Variants in OR3A2 observed in about 807,000 individuals in gnomAD.
The protein encoded by OR3A2 is olfactory receptor 3A2.
For missense variants in OR3A2, 318 were observed against 392.8 expected (o/e 0.81, Z 1.61); for synonymous variants, 126 against 159.3 (o/e 0.79, Z 1.57).
In OR3A2 at chr17:3,311,533, G is replaced by T; in HGVS notation, c.-85+24500C>A. ...TAATGTGGTCAACCACTTCTACTGT[G>T]ACCTCCCACCTCTTTTCCAGCTCTC... is the stretch of plus-strand genomic sequence containing the variant. On this transcript the variant is annotated intron_variant, in intron 3 of 4. Transcript: ENST00000573491. The surrounding 1 kb of genome is among the most constrained non-coding windows in gnomAD (Gnocchi z 4.6). The T allele has an allele frequency of 7.0e-6, 3 of 430,798 alleles. No homozygotes were observed. The highest frequency in any genetic ancestry group is 1.9e-5 in the South Asian group (1 of 53,768). 26.7% of individuals were successfully genotyped at this position (430,798 alleles called of 1,614,324 possible).
At chr17:3,343,775 C>T (rs1336234655) in intron 2 of OR3A2, among the ~76,000 whole-genome samples, 1 of 152,130 alleles carries the variant, frequency 6.6e-6, no homozygotes, top group Non-Finnish European at 1.5e-5. Context: ...CCATTTTTAA[C>T]AGTAGTCTAG....
intron 3 of OR3A2, among the ~76,000 whole-genome samples, chr17:3,333,173 G>A (rs868212960): frequency 6.6e-5 from 10 of 152,120 alleles, no homozygotes; most frequent in African/African-American, 1.2e-4. Flanking sequence ...ATAAATTGCC[G>A]CTCTGGGAGC....
intron 3 of OR3A2, among the ~76,000 whole-genome samples, chr17:3,306,415 T>G (rs2049000667): frequency 6.6e-6 from 1 of 151,976 alleles, no homozygotes; most frequent in African/African-American, 2.4e-5. Context: ...ACTGTTGGGA[T>G]TAGAGGCACA....
At chr17:3,374,194 G>A (rs1490414539) in intron 2 of OR3A2, among the ~76,000 whole-genome samples, 1 of 152,166 alleles carries the variant, frequency 6.6e-6, no homozygotes, top group Non-Finnish European at 1.5e-5. Context: ...TTCCTTTATA[G>A]TTTACCTGAT....
intron 3 of OR3A2, among the ~76,000 whole-genome samples, chr17:3,294,424 G>A (rs532316094): frequency 2.6e-5 from 4 of 152,066 alleles, no homozygotes; most frequent in Non-Finnish European, 5.9e-5. Context: ...AGAAAAGAGA[G>A]AAAATGACAG....
In OR3A2 at chr17:3,311,258, AC is replaced by A. The variant is rs765922385; in HGVS notation, c.-85+24774del. ...CCGATGCTGGCGTGTCTCCAGGCCC[AC>A]CAGTGCAGAGTTCCCTATGCTGCCT... On this transcript the variant is annotated intron_variant, in intron 3 of 4. Coordinates refer to the OR3A2 transcript ENST00000573491. This position sits in a 1 kb window ranked among gnomAD's most constrained non-coding sequence, Gnocchi z 4.6. 2 of 535,532 alleles carry A rather than the reference AC, an allele frequency of 3.7e-6. No individual in the cohort carries two copies. The highest frequency in any genetic ancestry group is 3.9e-5 in the Admixed American group (2 of 51,644). 33.2% of individuals were successfully genotyped at this position (535,532 alleles called of 1,614,324 possible). A position where few individuals can be genotyped will look rare whatever the true frequency, so the allele number is the denominator to read the frequency against.
rs1405102443 is a variant in OR3A2, at chr17:3,311,904, G to C, written c.-85+24129C>G. ...CTGATGTGCAGGGCACCCTGAAAAG[G>C]GTGCTGACAGGGAAGAGGCCCCCAG... On this transcript the variant is annotated intron_variant, in intron 3 of 4. Coordinates refer to the OR3A2 transcript ENST00000573491. This position sits in a 1 kb window ranked among gnomAD's most constrained non-coding sequence, Gnocchi z 4.6. 1.9e-5 allele frequency: 3 copies of C among 154,664 alleles called. No homozygotes were observed. Among genetic ancestry groups the C allele is most frequent in the Non-Finnish European group, 4.3e-5 (3 of 69,490 alleles). 9.6% of individuals were successfully genotyped at this position (154,664 alleles called of 1,614,324 possible). A position where few individuals can be genotyped will look rare whatever the true frequency, so the allele number is the denominator to read the frequency against.
chr17:3,305,908 G>A (rs568751150), intron 3 of OR3A2, among the ~76,000 whole-genome samples: 1 of 152,330 alleles, frequency 6.6e-6, no homozygotes, highest in South Asian at 2.1e-4. Context: ...TGTAGGGAGG[G>A]AGCATGTCTG....
chr17:3,371,672 C>T (rs192040), intron 2 of OR3A2, among the ~76,000 whole-genome samples: 40,673 of 114,568 alleles, frequency 0.36, 7,456 homozygotes, highest in Admixed American at 0.48. Flanking sequence ...ACCTCCCGGA[C>T]GGGGCGGCTG....
At chr17:3,279,557 G>T (rs2048764836) in intron 1 of OR3A2, among the ~76,000 whole-genome samples, 1 of 152,320 alleles carries the variant, frequency 6.6e-6, no homozygotes, top group African/African-American at 2.4e-5. Flanking sequence ...AGTTTGGGAG[G>T]CCAAGGCGGG....
chr17:3,374,708 T>C (rs1460315344), intron 2 of OR3A2, among the ~76,000 whole-genome samples: 3 of 152,212 alleles, frequency 2.0e-5, no homozygotes, highest in East Asian at 3.8e-4. Context: ...ATTTTATTTA[T>C]TTTTATTTTT....
intron 3 of OR3A2, among the ~76,000 whole-genome samples, chr17:3,332,152 T>G (rs930295912): frequency 1.1e-4 from 16 of 152,176 alleles, no homozygotes; most frequent in Non-Finnish European, 1.8e-4. Context: ...TCTGCAGAGG[T>G]TACTGCTGAC....
chr17:3,310,265 C>T lies in OR3A2; in HGVS notation c.-85+25768G>A, dbSNP rs780243254. The T allele has an allele frequency of 3.6e-5, 18 of 495,134 alleles. No homozygotes were observed. The Middle Eastern group carries it at 1.3e-3, about 37-fold the overall frequency. 30.7% of individuals were successfully genotyped at this position (495,134 alleles called of 1,614,324 possible). On this transcript the variant is annotated intron_variant, in intron 3 of 4. Coordinates refer to the OR3A2 transcript ENST00000573491. ...CACCTCATCCTGCTTCTGCCACCAC[C>T]GGCCCCATCTAACACTGCTCAGTCC... is the stretch of plus-strand genomic sequence containing the variant.
chr17:3,376,136 T>G (rs1445676635), intron 2 of OR3A2, among the ~76,000 whole-genome samples: 1 of 152,238 alleles, frequency 6.6e-6, no homozygotes, highest in Non-Finnish European at 1.5e-5. Context: ...GACCAGGGTG[T>G]TGCAAACAGT....
intron 2 of OR3A2, among the ~76,000 whole-genome samples, chr17:3,336,650 T>A (rs1249266434): frequency 3.9e-5 from 6 of 152,180 alleles, no homozygotes; most frequent in Non-Finnish European, 8.8e-5. Context: ...GTATAAAGAA[T>A]ATCAATTTGA....
At chr17:3,340,207 C>CA (rs920688567) in intron 2 of OR3A2, among the ~76,000 whole-genome samples, 3 of 151,916 alleles carry the variant, frequency 2.0e-5, no homozygotes, top group Non-Finnish European at 4.4e-5. Flanking sequence ...TTGATCTTTT[C>CA]AAAAAAACAG....
intron 2 of OR3A2, among the ~76,000 whole-genome samples, chr17:3,343,146 T>G (rs577656484): frequency 9.2e-5 from 14 of 152,198 alleles, no homozygotes; most frequent in Non-Finnish European, 2.1e-4. Context: ...GTCCCGATTT[T>G]CCCGGTACAG....
chr17:3,290,852 A>T (rs996265515), intron 3 of OR3A2, among the ~76,000 whole-genome samples: 1 of 152,236 alleles, frequency 6.6e-6, no homozygotes, highest in African/African-American at 2.4e-5. Context: ...CATATTGAGT[A>T]GTCTTGGATT....
chr17:3,291,336 C>T (rs2048864318), intron 3 of OR3A2: 2 of 289,430 alleles, frequency 6.9e-6, no homozygotes, highest in Admixed American at 4.6e-5. Context: ...GTCATTCCTT[C>T]TGGAACATGA....
Sources: allele counts gnomAD v4.1 joint callset (sites outside exome capture counted in the v4.1 genomes callset), GRCh38; gene constraint gnomAD v4.1.1; non-coding constraint Gnocchi (gnomAD v3.1); transcripts MANE v1.5; gene names NCBI Gene and HGNC (gene_info 2026-07-23, HGNC 2026-07-21).